Variants in DGKI observed in about 807,000 individuals in gnomAD.
DGKI encodes the protein diacylglycerol kinase iota, also known as DAG kinase iota.
A neutral mutation model predicts 147.5 loss-of-function variants in DGKI; 55 were observed. The observed-to-expected ratio is 0.37, with a 90% confidence interval of 0.30 to 0.47. The LOEUF (loss-of-function observed/expected upper bound fraction) is 0.47, where lower values mean the gene tolerates loss of function less well. Among genes scored for constraint, DGKI ranks in the 20% least tolerant of loss-of-function variants. DGKI has a pLI of 1.00. For missense variants in DGKI, 1,007 were observed against 1,323.8 expected (o/e 0.76, Z 3.71); for synonymous variants, 469 against 477.1 (o/e 0.98, Z 0.22).
chr7:137,843,349 G>T, intron 1 of DGKI: 2 of 874,688 alleles, frequency 2.3e-6, no homozygotes, highest in Non-Finnish European at 2.7e-6. Context: ...ACCATAATTT[G>T]CAAAGAAAAA....
chr7:137,717,088 G>A (rs1026545446), intron 1 of DGKI, among the ~76,000 whole-genome samples: 1 of 152,198 alleles, frequency 6.6e-6, no homozygotes, highest in African/African-American at 2.4e-5. Flanking sequence ...CAGAGACTCT[G>A]TCTTACTTTG....
intron 20 of DGKI, among the ~76,000 whole-genome samples, chr7:137,526,616 C>G (rs970961796): frequency 6.6e-6 from 1 of 152,008 alleles, no homozygotes; most frequent in Non-Finnish European, 1.5e-5. Flanking sequence ...TTATACACAC[C>G]TTTTACCCTG....
intron 1 of DGKI, among the ~76,000 whole-genome samples, chr7:137,842,864 T>A (rs1175718387): frequency 1.3e-5 from 2 of 152,150 alleles, no homozygotes; most frequent in Admixed American, 1.3e-4. Flanking sequence ...AATAATAATA[T>A]GTAATGACCT....
At chr7:137,670,070 T>C (rs1441971659) in intron 3 of DGKI, among the ~76,000 whole-genome samples, 1 of 152,216 alleles carries the variant, frequency 6.6e-6, no homozygotes, top group Admixed American at 6.5e-5. Context: ...ACAGGACCTA[T>C]TTGCATATTA....
chr7:137,582,414 T>TTCTCTCTCTC (rs147596311), intron 14 of DGKI, among the ~76,000 whole-genome samples: 171 of 149,092 alleles, frequency 1.1e-3, no homozygotes, highest in African/African-American at 4.1e-3. Flanking sequence ...ATCACCCATT[T>TTCTCTCTCTC]TCTCTCTCTC....
rs1350916820 is a variant in DGKI at position 137,636,107 on chromosome 7, C to T, written c.804+9365G>A. Among the ~76,000 whole-genome samples, 3 of 152,164 alleles carry T rather than the reference C, an allele frequency of 2.0e-5. No individual in the cohort carries two copies. The East Asian group carries it at 5.8e-4, about 29-fold the overall frequency. On this transcript the variant is annotated intron_variant, in intron 6 of 32. Transcript: ENST00000614521. ...CCTGACAACAGAAGCTGGAAGAATA[C>T]ATCTGGTAACCAGGAAATCCGCTGG...
intron 1 of DGKI, among the ~76,000 whole-genome samples, chr7:137,809,810 G>A (rs1797503932): frequency 1.3e-5 from 2 of 152,154 alleles, no homozygotes; most frequent in South Asian, 4.2e-4. Flanking sequence ...AGGCTGAGGT[G>A]AGAGGATAAC....
intron 21 of DGKI, among the ~76,000 whole-genome samples, chr7:137,520,115 A>G (rs954648130): frequency 3.3e-5 from 5 of 152,108 alleles, no homozygotes; most frequent in African/African-American, 1.2e-4. Context: ...CAGGAATGGT[A>G]GACAGATAAT....
chr7:137,805,529 T>C (rs1024393661), intron 1 of DGKI, among the ~76,000 whole-genome samples: 7 of 152,152 alleles, frequency 4.6e-5, no homozygotes, highest in Non-Finnish European at 8.8e-5. Context: ...CGTGACATAG[T>C]CATTGTGATT....
chr7:137,840,512 C>T (rs770767269), intron 1 of DGKI, among the ~76,000 whole-genome samples: 2 of 152,138 alleles, frequency 1.3e-5, no homozygotes, highest in African/African-American at 2.4e-5. Flanking sequence ...GAAAGAGAAC[C>T]GGAGAGCTAA....
Position 137,585,266 on chromosome 7 carries a change from G to C in DGKI, c.1506C>G (p.Leu502=). 5.0e-6 allele frequency: 8 copies of C among 1,614,096 alleles called. No individual in the cohort carries two copies. Among genetic ancestry groups the C allele is most frequent in the Non-Finnish European group, 6.8e-6 (8 of 1,180,008 alleles). ...GTVVQLDRWN[L]HVERNPDLPP... ...GCAAGTCGGGGTTTCTTTCCACATGGAGGTTCCAGCGATCTAGCTGTACAA... is the reference window on the plus strand; with the variant it reads ...GCAAGTCGGGGTTTCTTTCCACATGCAGGTTCCAGCGATCTAGCTGTACAA... Residue 502 remains leucine (L), a synonymous_variant, in exon 14 of 33, where the codon CTC becomes CTG. Coordinates refer to ENST00000614521, the MANE Select transcript of DGKI (RefSeq NM_001321708.2).
chr7:137,686,278 G>A (rs1017429454), intron 2 of DGKI, among the ~76,000 whole-genome samples: 5 of 152,316 alleles, frequency 3.3e-5, no homozygotes, highest in Admixed American at 2.0e-4. Context: ...CAGCAAAAGA[G>A]AAAATCTCTA....
At chr7:137,791,788 G>T (rs1053104469) in intron 1 of DGKI, among the ~76,000 whole-genome samples, 3 of 152,232 alleles carry the variant, frequency 2.0e-5, no homozygotes, top group African/African-American at 7.2e-5. Context: ...TATTTTAGGG[G>T]TGGGTGAAGA....
At chr7:137,557,991 G>A (rs1337471246) in intron 19 of DGKI, among the ~76,000 whole-genome samples, 1 of 152,080 alleles carries the variant, frequency 6.6e-6, no homozygotes, top group Admixed American at 6.5e-5. Context: ...CTAATCTATG[G>A]GTTGACCTCT....
intron 6 of DGKI, among the ~76,000 whole-genome samples, chr7:137,634,774 T>C (rs1233206211): frequency 6.6e-6 from 1 of 152,168 alleles, no homozygotes; most frequent in African/African-American, 2.4e-5. Flanking sequence ...ATGGATCAAC[T>C]TGGTATATAC....
At chr7:137,505,469 C>A (rs1293773319) in intron 21 of DGKI, among the ~76,000 whole-genome samples, 1 of 152,020 alleles carries the variant, frequency 6.6e-6, no homozygotes. Context: ...AGGAGAATTA[C>A]CCTAGATACA....
Position 137,846,924 on chromosome 7 carries a change from T to C in DGKI, c.-62A>G. ...CCGCTCACTCCCCCGCCCCGGCCAA[T>C]CAGAGGCCGCCGCTCCCCGCCTCCC... On this transcript the variant is annotated 5_prime_UTR_variant, in exon 1 of 33. Coordinates refer to ENST00000614521, the MANE Select transcript of DGKI (RefSeq NM_001321708.2). This position sits in a 1 kb window ranked among gnomAD's most constrained non-coding sequence, Gnocchi z 4.0. 1 of 1,060,034 alleles carries C rather than the reference T, an allele frequency of 9.4e-7. No individual in the cohort carries two copies. The highest frequency in any genetic ancestry group is 1.1e-6 in the Non-Finnish European group (1 of 874,204). 65.7% of individuals were successfully genotyped at this position (1,060,034 alleles called of 1,614,324 possible).
intron 1 of DGKI, among the ~76,000 whole-genome samples, chr7:137,787,512 G>A (rs573522110): frequency 1.3e-5 from 2 of 152,172 alleles, no homozygotes; most frequent in Admixed American, 6.5e-5. Context: ...CACTGTTGGT[G>A]GAATGTAAAC....
At chr7:137,758,274 G>A (rs1273455993) in intron 1 of DGKI, among the ~76,000 whole-genome samples, 3 of 152,182 alleles carry the variant, frequency 2.0e-5, no homozygotes, top group Non-Finnish European at 2.9e-5. Context: ...CTCAGGTCCT[G>A]GCCCAAGTGG....
Sources: allele counts gnomAD v4.1 joint callset (sites outside exome capture counted in the v4.1 genomes callset), GRCh38; gene constraint gnomAD v4.1.1; non-coding constraint Gnocchi (gnomAD v3.1); transcripts MANE v1.5; gene names NCBI Gene and HGNC (gene_info 2026-07-23, HGNC 2026-07-21).